MINDY3: variants seen among roughly 807,000 people sequenced by gnomAD.
The protein encoded by MINDY3 is ubiquitin carboxyl-terminal hydrolase MINDY-3.
MINDY3 carries 38 observed loss-of-function variants against 69.2 expected under a neutral mutation model. The observed-to-expected ratio is 0.55, with a 90% CI of 0.42 to 0.72. The LOEUF (loss-of-function observed/expected upper bound fraction) is 0.72. Among genes scored for constraint, MINDY3 ranks in the 30% least tolerant of loss-of-function variants. The pLI, the probability that MINDY3 is intolerant of heterozygous loss-of-function variation, is 0.00. For synonymous variants in MINDY3, 192 were observed against 180.1 expected, an observed-to-expected ratio of 1.07 and a Z score of -0.53; for missense variants, 522 against 519.0, an observed-to-expected ratio of 1.01 and a Z score of -0.06.
At chr10:15,831,706 C>T (rs1194232773) in intron 8 of MINDY3, among the ~76,000 whole-genome samples, 2 of 140,506 alleles carry the variant, frequency 1.4e-5, no homozygotes, top group African/African-American at 5.4e-5. Flanking sequence ...GATGGAGTCT[C>T]GCTCTATTGC....
intron 8 of MINDY3, among the ~76,000 whole-genome samples, chr10:15,826,745 A>C (rs1588601217): frequency 1.3e-5 from 2 of 152,218 alleles, no homozygotes; most frequent in African/African-American, 4.8e-5. Flanking sequence ...GAATAAAAAC[A>C]TGTAAATATG....
intron 13 of MINDY3, among the ~76,000 whole-genome samples, chr10:15,782,666 G>C (rs958674835): frequency 6.6e-6 from 1 of 151,890 alleles, no homozygotes. Context: ...TTCCAATTTG[G>C]CCCACGATGT....
At position 15,788,986 on chromosome 10, in the gene MINDY3, T is replaced by C. The variant is rs116554091; in HGVS notation, c.1028+261A>G. On this transcript the variant is annotated intron_variant, in intron 12 of 14. Coordinates refer to ENST00000277632, the MANE Select transcript of MINDY3 (RefSeq NM_024948.4). The stretch of plus-strand genomic sequence containing the variant: ...TGGGGAAGTGTTTGCAGAGAAACTT[T>C]TTAAAGTTTATAGAAAGACACTTTT... The C allele has an allele frequency of 9.3e-3, 2,756 of 295,208 alleles. 52 individuals are homozygous for C. The highest frequency in any genetic ancestry group is 0.049 in the African/African-American group (2,311 of 46,876). 18.3% of individuals were successfully genotyped at this position (295,208 alleles called of 1,614,324 possible).
chr10:15,818,197 T>A (rs1345451756), intron 9 of MINDY3, among the ~76,000 whole-genome samples: 1 of 152,026 alleles, frequency 6.6e-6, no homozygotes, highest in Admixed American at 6.6e-5. Flanking sequence ...AGGACTTAAG[T>A]TTTCTGACTT....
At chr10:15,807,083 G>A (rs1182088841) in intron 10 of MINDY3, among the ~76,000 whole-genome samples, 4 of 152,148 alleles carry the variant, frequency 2.6e-5, no homozygotes, top group Non-Finnish European at 5.9e-5. Context: ...ACATGCAGAT[G>A]AAAACGGCAC....
intron 4 of MINDY3, 96 bp downstream of exon 4, chr10:15,841,330 T>C (rs1225816927): frequency 3.1e-6 from 3 of 972,026 alleles, no homozygotes; most frequent in African/African-American, 1.7e-5. Context: ...ATACATGTTA[T>C]GAAAATTTTA....
chr10:15,782,134 C>T (rs781400472), intron 14 of MINDY3, 21 bp downstream of exon 14: 36 of 1,566,230 alleles, frequency 2.3e-5, no homozygotes, highest in Admixed American at 6.8e-5. Context: ...TGAACACCGA[C>T]GACTACGTGA....
intron 3 of MINDY3, 54 bp from the exon 4 acceptor site, chr10:15,841,653 T>A: frequency 8.2e-7 from 1 of 1,224,792 alleles, no homozygotes. Context: ...AAAAAAAAAT[T>A]CTGTCATGAA....
intron 9 of MINDY3, among the ~76,000 whole-genome samples, chr10:15,821,099 G>A (rs1441694359): frequency 6.6e-6 from 1 of 152,158 alleles, no homozygotes; most frequent in African/African-American, 2.4e-5. Flanking sequence ...TGTAGGAGGA[G>A]AATGAAATAA....
At chr10:15,859,847 A>C (rs775518505) in intron 1 of MINDY3, among the ~76,000 whole-genome samples, 2 of 152,236 alleles carry the variant, frequency 1.3e-5, no homozygotes, top group African/African-American at 2.4e-5. Flanking sequence ...TTAGGGGGTA[A>C]AGATGCGGAA....
intron 8 of MINDY3, among the ~76,000 whole-genome samples, chr10:15,823,523 G>C (rs1839905353): frequency 6.6e-6 from 1 of 151,996 alleles, no homozygotes; most frequent in South Asian, 2.1e-4. Flanking sequence ...TTTTTGTTAA[G>C]TTTATTAAAA....
intron 10 of MINDY3, among the ~76,000 whole-genome samples, chr10:15,798,570 CTTAG>C (rs888013527): frequency 7.3e-4 from 111 of 151,442 alleles, no homozygotes; most frequent in African/African-American, 2.5e-3. Context: ...GAGGTCAGGA[CTTAG>C]TTAGAGACCA....
intron 10 of MINDY3, among the ~76,000 whole-genome samples, chr10:15,806,121 G>C (rs1838623055): frequency 6.6e-6 from 1 of 152,120 alleles, no homozygotes; most frequent in South Asian, 2.1e-4. Flanking sequence ...TGTCAGGGTT[G>C]TTGGTTACTG....
chr10:15,816,230 T>C lies in MINDY3; in HGVS notation c.882+605A>G, dbSNP rs1265040819. 4.2e-5 allele frequency among the ~76,000 whole-genome samples: 5 copies of C among 120,048 alleles called. No homozygotes were observed. In the Admixed American group the frequency reaches 5.9e-4, roughly 14 times the overall value. The allele number at this position is 120,048 out of a possible 152,430, so 78.8% of individuals were successfully genotyped here. Reference sequence around the variant, plus strand: ...GAGGCGAGACTGTGACATTACACTCTAGCCTGGGCAACACAGTGAGACTCC... The same window carrying C: ...GAGGCGAGACTGTGACATTACACTCCAGCCTGGGCAACACAGTGAGACTCC... On this transcript the variant is annotated intron_variant, in intron 10 of 14. Coordinates refer to ENST00000277632, the MANE Select transcript of MINDY3 (RefSeq NM_024948.4).
chr10:15,796,691 C>T (rs1463861305), intron 10 of MINDY3, among the ~76,000 whole-genome samples: 1 of 151,966 alleles, frequency 6.6e-6, no homozygotes, highest in South Asian at 2.1e-4. Context: ...CAATCAACTT[C>T]TACATGTCCA....
At chr10:15,838,841 T>C (rs979662178) in intron 4 of MINDY3, among the ~76,000 whole-genome samples, 13 of 151,752 alleles carry the variant, frequency 8.6e-5, no homozygotes, top group Non-Finnish European at 1.9e-4. Context: ...TCAAAGGAAA[T>C]AGAAGAAAGC....
At chr10:15,829,749 G>C (rs965852417) in intron 8 of MINDY3, among the ~76,000 whole-genome samples, 3 of 152,204 alleles carry the variant, frequency 2.0e-5, no homozygotes, top group Non-Finnish European at 4.4e-5. Flanking sequence ...TGAGAGTAAT[G>C]AGACCACAAC....
intron 10 of MINDY3, among the ~76,000 whole-genome samples, chr10:15,799,777 C>T (rs912359831): frequency 4.6e-5 from 7 of 152,004 alleles, no homozygotes; most frequent in East Asian, 1.9e-4. Context: ...ATTTGATTTT[C>T]GAACTTTTAG....
chr10:15,808,958 A>G (rs940351641), intron 10 of MINDY3, among the ~76,000 whole-genome samples: 5 of 152,184 alleles, frequency 3.3e-5, no homozygotes, highest in African/African-American at 1.2e-4. Context: ...TCAAATGCAC[A>G]GTAAAAACAA....
Sources: allele counts gnomAD v4.1 joint callset (sites outside exome capture counted in the v4.1 genomes callset), GRCh38; gene constraint gnomAD v4.1.1; transcripts MANE v1.5; gene names NCBI Gene and HGNC (gene_info 2026-07-23, HGNC 2026-07-21).